PARVA: variants seen among roughly 807,000 people sequenced by gnomAD.
PARVA encodes parvin alpha, also known as alpha-parvin.
In PARVA, 25 loss-of-function variants were observed where a neutral mutation model predicts 52.6. That is an observed-to-expected ratio of 0.48 (90% CI 0.35 to 0.66). The LOEUF (loss-of-function observed/expected upper bound fraction) is 0.66, where lower values mean the gene tolerates loss of function less well. Among genes scored for constraint, PARVA ranks in the 30% least tolerant of loss-of-function variants. PARVA has a pLI of 0.01. For missense variants in PARVA, 373 were observed against 450.9 expected (o/e 0.83, Z 1.56); for synonymous variants, 185 against 179.1 (o/e 1.03, Z -0.26).
intron 1 of PARVA, among the ~76,000 whole-genome samples, chr11:12,407,421 T>C (rs112626303): frequency 0.021 from 3,256 of 152,274 alleles, 54 homozygotes; most frequent in Non-Finnish European, 0.033. Flanking sequence ...TTCTTTGGAG[T>C]TGAAGCATAG....
chr11:12,417,358 TA>T (rs1940081808), intron 1 of PARVA, among the ~76,000 whole-genome samples: 2 of 152,214 alleles, frequency 1.3e-5, no homozygotes, highest in African/African-American at 4.8e-5. Context: ...AGTTCTATAT[TA>T]TTTTCTGGAA....
At chr11:12,479,778 T>A (rs936521825) in intron 4 of PARVA, 1 of 152,368 alleles carries the variant, frequency 6.6e-6, no homozygotes, top group East Asian at 1.9e-4. Flanking sequence ...TAAGTATATA[T>A]ACATGCCTTA....
intron 9 of PARVA, 119 bp downstream of exon 9, chr11:12,513,479 C>A (rs1486338437): frequency 2.3e-6 from 2 of 870,080 alleles, no homozygotes; most frequent in Admixed American, 3.4e-5. Context: ...CTAACCTCTG[C>A]ACACACAGGG....
intron 1 of PARVA, among the ~76,000 whole-genome samples, chr11:12,387,031 A>G (rs112807342): frequency 2.6e-4 from 40 of 152,370 alleles, no homozygotes; most frequent in African/African-American, 7.9e-4. Context: ...GTTCATAATT[A>G]TGTTCCAGCC....
At chr11:12,481,918 C>G (rs866609020) in intron 4 of PARVA, among the ~76,000 whole-genome samples, 1 of 151,972 alleles carries the variant, frequency 6.6e-6, no homozygotes, top group South Asian at 2.1e-4. Context: ...ACCTGTAATC[C>G]CAGCACTTTG....
intron 1 of PARVA, among the ~76,000 whole-genome samples, chr11:12,403,449 C>T (rs1170631340): frequency 2.0e-5 from 3 of 152,208 alleles, no homozygotes; most frequent in African/African-American, 7.2e-5. Flanking sequence ...TGTGCCCAGC[C>T]AGTGCTCTGA....
intron 4 of PARVA, among the ~76,000 whole-genome samples, chr11:12,491,694 CAA>C (rs1257289092): frequency 6.6e-6 from 1 of 152,028 alleles, no homozygotes; most frequent in Non-Finnish European, 1.5e-5. Flanking sequence ...TTTTGTATAT[CAA>C]ATATTTAAAA....
At position 12,433,798 on chromosome 11, in the gene PARVA, G is replaced by A. The variant is rs577858360; in HGVS notation, c.137-39947G>A. ...AGGAGTTAAAAGTCTGGGCCTGGGC[G>A]TGATCAGCCAGATGGTCTTTAACAG... is the stretch of plus-strand genomic sequence containing the variant. On this transcript the variant is annotated intron_variant, in intron 1 of 12. Transcript: ENST00000334956. Among the ~76,000 whole-genome samples the A allele has an allele frequency of 5.3e-5, 8 of 152,314 alleles. No homozygotes were observed. The South Asian group carries it at 6.2e-4, about 12-fold the overall frequency.
intron 4 of PARVA, among the ~76,000 whole-genome samples, chr11:12,481,341 G>A (rs1428588794): frequency 2.6e-5 from 4 of 151,462 alleles, no homozygotes; most frequent in Admixed American, 6.6e-5. Flanking sequence ...CTACTTTATC[G>A]TTCACTTTTT....
At chr11:12,436,960 A>G (rs1486364989) in intron 1 of PARVA, among the ~76,000 whole-genome samples, 1 of 152,202 alleles carries the variant, frequency 6.6e-6, no homozygotes, top group Non-Finnish European at 1.5e-5. Context: ...TGAAGTATAC[A>G]TTACATAAAT....
intron 1 of PARVA, among the ~76,000 whole-genome samples, chr11:12,406,173 G>A (rs947059872): frequency 6.6e-6 from 1 of 152,196 alleles, no homozygotes. Context: ...TGTGGAGGCT[G>A]GGAAGTCCAA....
chr11:12,485,925 A>G (rs1941153678), intron 4 of PARVA, among the ~76,000 whole-genome samples: 1 of 152,226 alleles, frequency 6.6e-6, no homozygotes, highest in Non-Finnish European at 1.5e-5. Flanking sequence ...TGTCAAGGTC[A>G]TGGTAAAAAC....
chr11:12,517,899 C>T (rs1404912525), intron 11 of PARVA, among the ~76,000 whole-genome samples, 188 bp downstream of exon 11: 1 of 152,196 alleles, frequency 6.6e-6, no homozygotes, highest in African/African-American at 2.4e-5. Flanking sequence ...CACTGGGCAT[C>T]CCTGACTGCC....
At chr11:12,439,477 A>G (rs773939041) in intron 1 of PARVA, among the ~76,000 whole-genome samples, 8 of 152,186 alleles carry the variant, frequency 5.3e-5, no homozygotes, top group Non-Finnish European at 8.8e-5. Flanking sequence ...CTTAGTGATA[A>G]TGGGAGCATG....
intron 1 of PARVA, among the ~76,000 whole-genome samples, chr11:12,469,028 G>A (rs1940894403): frequency 2.0e-5 from 3 of 152,158 alleles, no homozygotes; most frequent in Non-Finnish European, 2.9e-5. Flanking sequence ...GGAGGGAGGG[G>A]TGTATACTGG....
chr11:12,452,403 G>A (rs144868053), intron 1 of PARVA, among the ~76,000 whole-genome samples: 7 of 151,848 alleles, frequency 4.6e-5, no homozygotes, highest in Non-Finnish European at 1.0e-4. Flanking sequence ...TTAGATCTTC[G>A]TGATCTAGTT....
intron 1 of PARVA, among the ~76,000 whole-genome samples, chr11:12,379,394 A>G (rs1939452284): frequency 6.6e-6 from 1 of 152,142 alleles, no homozygotes; most frequent in Non-Finnish European, 1.5e-5. Context: ...AAATCACTGT[A>G]CTTGGGATAT....
rs1941778262 is a variant in PARVA at position 12,532,025 on chromosome 11, T to C, written c.*4100T>C. Among the ~76,000 whole-genome samples the C allele has an allele frequency of 6.6e-6, 1 of 152,192 alleles. No homozygotes were observed. Among genetic ancestry groups the C allele is most frequent in the South Asian group, 2.1e-4 (1 of 4,830 alleles). ...TTTACTCTCTGCTCCCTGAAAACTG[T>C]AACCCCAGGCTAGCTCCAAACTCTG... is the stretch of plus-strand genomic sequence containing the variant. On this transcript the variant is annotated 3_prime_UTR_variant, in exon 13 of 13. Coordinates refer to ENST00000334956, the MANE Select transcript of PARVA (RefSeq NM_018222.5).
chr11:12,400,270 T>C (rs1939807309), intron 1 of PARVA, among the ~76,000 whole-genome samples: 1 of 150,494 alleles, frequency 6.6e-6, no homozygotes, highest in African/African-American at 2.5e-5. Context: ...ACAACTTTAA[T>C]TGTTTTTATT....
Sources: allele counts gnomAD v4.1 joint callset (sites outside exome capture counted in the v4.1 genomes callset), GRCh38; gene constraint gnomAD v4.1.1; transcripts MANE v1.5; gene names NCBI Gene and HGNC (gene_info 2026-07-23, HGNC 2026-07-21).